Variants in DNAAF11 observed in about 807,000 individuals in gnomAD.
The protein encoded by DNAAF11 is dynein axonemal assembly factor 11.
Under a neutral mutation model 60.8 loss-of-function variants are expected in DNAAF11, and 45 were observed. That is an observed-to-expected ratio of 0.74 (90% CI 0.58 to 0.95). DNAAF11 has a LOEUF of 0.95. Ranked by LOEUF, DNAAF11 falls within the 40% of genes least tolerant of loss-of-function variation. The pLI is 0.00. For synonymous variants in DNAAF11, 191 were observed against 183.5 expected, an observed-to-expected ratio of 1.04 and a Z score of -0.33; for missense variants, 546 against 546.2, an observed-to-expected ratio of 1.00 and a Z score of 0.00.
intron 2 of DNAAF11, among the ~76,000 whole-genome samples, chr8:132,660,697 A>G (rs113863479): frequency 6.6e-5 from 10 of 152,322 alleles, no homozygotes; most frequent in African/African-American, 2.4e-4. Context: ...GAAACTGAGC[A>G]TGCCCAGTCC....
rs537306491 is a variant in DNAAF11 at position 132,601,322 on chromosome 8, G to A, written c.1140+8844C>T. Among the ~76,000 whole-genome samples, 3 of 152,254 alleles carry A rather than the reference G, an allele frequency of 2.0e-5. No individual in the cohort carries two copies. In the South Asian group the frequency reaches 6.2e-4, roughly 32 times the overall value. The stretch of plus-strand genomic sequence containing the variant: ...AAACAGGAACACTTTTACACTGTTG[G>A]TGGGACTGTAAACTAGTTCAACCAT... On this transcript the variant is annotated intron_variant, in intron 10 of 11. Transcript: ENST00000620350.
intron 11 of DNAAF11, among the ~76,000 whole-genome samples, chr8:132,577,661 T>C (rs1265143386): frequency 6.6e-6 from 1 of 152,206 alleles, no homozygotes; most frequent in Non-Finnish European, 1.5e-5. Flanking sequence ...ATGGCACTTT[T>C]TTATTTTTAT....
chr8:132,702,887 G>C, the DNAAF11 span, among the ~76,000 whole-genome samples: 1 of 152,202 alleles, frequency 6.6e-6, no homozygotes, highest in Non-Finnish European at 1.5e-5. Flanking sequence ...AGCAAGAGAG[G>C]AAACAAGGAA....
intron 1 of DNAAF11, among the ~76,000 whole-genome samples, chr8:132,663,884 G>A (rs1032447480): frequency 6.6e-6 from 1 of 152,248 alleles, no homozygotes; most frequent in African/African-American, 2.4e-5. Flanking sequence ...TGTCAGGGAG[G>A]TGGATGGCAT....
Position 132,675,028 on chromosome 8 carries a change from A to C in DNAAF11, c.10+456T>G, listed in dbSNP as rs3911843. On this transcript the variant is annotated intron_variant, in intron 1 of 11. Transcript: ENST00000620350. ...AAGTCACAGGAAGAGGGAGGACTTC[A>C]ACCCTGGCTCCAGAGTCGGAACCCT... Among the ~76,000 whole-genome samples the C allele has an allele frequency of 7.5e-4, 114 of 152,328 alleles. 2 individuals carry two copies. In the East Asian group the frequency reaches 0.02, roughly 27 times the overall value.
Position 132,661,571 on chromosome 8 carries a change from G to C in DNAAF11, c.67C>G (p.Leu23Val). 6.2e-7 allele frequency: 1 copy of C among 1,613,858 alleles called. No homozygotes were observed. Among genetic ancestry groups the C allele is most frequent in the Non-Finnish European group, 8.5e-7 (1 of 1,179,900 alleles). ...AEHNDCVIFS[L>V]EELSLHQQEI... ...TGCTGATGCAACGAGAGTTCCTCCA[G>C]GGAAAAAATGACACAGTCGTTGTGT... Residue 23 changes from leucine (L) to valine (V), a missense_variant, in exon 2 of 12, where the codon CTG becomes GTG. Transcript: ENST00000620350.
chr8:132,658,958 G>GT (rs2130796056), intron 2 of DNAAF11, among the ~76,000 whole-genome samples: 1 of 152,282 alleles, frequency 6.6e-6, no homozygotes, highest in East Asian at 1.9e-4. Context: ...GACCATTCTA[G>GT]TAACAGTTCT....
In DNAAF11 at chr8:132,583,481, C is replaced by T. The variant is rs187462768; in HGVS notation, c.1226+213G>A. ...TACCAGTCGTTATATTATGACGAGA[C>T]ATTGGGACCTGTATATACACAGATT... On this transcript the variant is annotated intron_variant, in intron 11 of 11. Coordinates refer to ENST00000620350, the MANE Select transcript of DNAAF11 (RefSeq NM_012472.6). Among the ~76,000 whole-genome samples, 154 of 152,218 alleles carry T rather than the reference C, an allele frequency of 1.0e-3. No individual in the cohort carries two copies. In the Middle Eastern group the frequency reaches 0.014, roughly 13 times the overall value.
chr8:132,593,254 A>C (rs1816645318), intron 10 of DNAAF11, among the ~76,000 whole-genome samples: 1 of 150,138 alleles, frequency 6.7e-6, no homozygotes, highest in African/African-American at 2.4e-5. Context: ...TATTGAGCTC[A>C]GTAAAAAAAG....
At chr8:132,664,064 A>C (rs1440383954) in intron 1 of DNAAF11, among the ~76,000 whole-genome samples, 1 of 152,258 alleles carries the variant, frequency 6.6e-6, no homozygotes, top group Non-Finnish European at 1.5e-5. Flanking sequence ...TTGTTAGGAA[A>C]GTATACTTGT....
At chr8:132,656,144 G>C (rs1414017260) in intron 3 of DNAAF11, among the ~76,000 whole-genome samples, 1 of 152,194 alleles carries the variant, frequency 6.6e-6, no homozygotes, top group Non-Finnish European at 1.5e-5. Context: ...AGTCTACAAT[G>C]ATTCCGGTAC....
chr8:132,610,012 G>C (rs1818494187), intron 10 of DNAAF11, 154 bp downstream of exon 10: 1 of 570,196 alleles, frequency 1.8e-6, no homozygotes, highest in Non-Finnish European at 3.1e-6. Flanking sequence ...TGTTCTCACA[G>C]ACCGTTGTTC....
intron 1 of DNAAF11, among the ~76,000 whole-genome samples, chr8:132,666,631 G>A (rs955818134): frequency 2.6e-5 from 4 of 152,080 alleles, no homozygotes; most frequent in African/African-American, 7.2e-5. Flanking sequence ...GAGCACACAT[G>A]ACAATTAACC....
the DNAAF11 span, among the ~76,000 whole-genome samples, chr8:132,701,572 G>A: frequency 6.6e-6 from 1 of 152,150 alleles, no homozygotes; most frequent in South Asian, 2.1e-4. Context: ...AACTAACAAA[G>A]GCCTGAGAGT....
At chr8:132,601,309 T>C (rs1305701442) in intron 10 of DNAAF11, among the ~76,000 whole-genome samples, 6 of 152,108 alleles carry the variant, frequency 3.9e-5, no homozygotes, top group Admixed American at 2.6e-4. Context: ...ACAGGAACAC[T>C]TTTACACTGT....
chr8:132,646,028 A>C (rs149699168), intron 3 of DNAAF11, among the ~76,000 whole-genome samples: 2,214 of 152,326 alleles, frequency 0.015, 65 homozygotes, highest in African/African-American at 0.05. Context: ...TCCAGGATAC[A>C]TAATTGTCAG....
rs147598685 is a variant in DNAAF11 at position 132,642,590 on chromosome 8, C to T, written c.257-4483G>A. On this transcript the variant is annotated intron_variant, in intron 3 of 11. Coordinates refer to ENST00000620350, the MANE Select transcript of DNAAF11 (RefSeq NM_012472.6). Reference sequence around the variant, plus strand: ...AAGTGTCTGGCTACCTTGACTCCACCACGCTCAGAGACCCTAAGCCACCTG... The same window carrying T: ...AAGTGTCTGGCTACCTTGACTCCACTACGCTCAGAGACCCTAAGCCACCTG... Among the ~76,000 whole-genome samples, 678 of 152,290 alleles carry T rather than the reference C, an allele frequency of 4.5e-3. 9 individuals carry two copies. Among genetic ancestry groups the T allele is most frequent in the African/African-American group, 0.016 (648 of 41,574 alleles).
At position 132,675,529 on chromosome 8, in the gene DNAAF11, C is replaced by T. The variant is rs1250190951; in HGVS notation, c.-36G>A. ...CAGTTCGCTGACCCCGCAAGCCGGA[C>T]CCGGACCTCGAATGACGCTTTTCAC... On this transcript the variant is annotated 5_prime_UTR_variant, in exon 1 of 12. Coordinates refer to ENST00000620350, the MANE Select transcript of DNAAF11 (RefSeq NM_012472.6). 3 of 1,556,088 alleles carry T rather than the reference C, an allele frequency of 1.9e-6. No individual in the cohort carries two copies. The highest frequency in any genetic ancestry group is 2.6e-6 in the Non-Finnish European group (3 of 1,146,560).
At chr8:132,625,182 A>C in intron 6 of DNAAF11, 90 bp downstream of exon 6, 1 of 1,000,114 alleles carries the variant, frequency 1.0e-6, no homozygotes, top group Non-Finnish European at 1.4e-6. Context: ...CTAAAGGTTT[A>C]ACACAAATAA....
Sources: gnomAD v4.1 joint callset for allele counts (sites outside exome capture counted in the v4.1 genomes callset) on GRCh38, gnomAD v4.1.1 for gene constraint, MANE v1.5 for transcripts, NCBI Gene and HGNC (gene_info 2026-07-23, HGNC 2026-07-21) for gene names.